Variants in ANK3 observed in about 807,000 individuals in gnomAD.
ANK3 encodes ankyrin 3.
In ANK3, 57 loss-of-function variants were observed where a neutral mutation model predicts 370.9. That is an observed-to-expected ratio of 0.15 (90% CI 0.12 to 0.19). ANK3 has a LOEUF of 0.19. ANK3 is among the 10% of genes least tolerant of loss of function. The probability of loss-of-function intolerance (pLI) is 1.00; values close to 1 mark genes in which losing one functional copy is unlikely to be tolerated. For synonymous variants in ANK3, 1,929 were observed against 1,946.3 expected (o/e 0.99, Z 0.23); for missense variants, 4,439 against 5,302.1 (o/e 0.84, Z 5.06).
chr10:60,184,132 T>C (rs957061975), intron 17 of ANK3, among the ~76,000 whole-genome samples: 1 of 152,130 alleles, frequency 6.6e-6, no homozygotes, highest in African/African-American at 2.4e-5. Flanking sequence ...AATAAAGTGT[T>C]TAGTTCAACA....
intron 1 of ANK3, chr10:60,684,962 C>G (rs1207216665): frequency 1.3e-6 from 2 of 1,547,286 alleles, no homozygotes; most frequent in African/African-American, 2.7e-5. Flanking sequence ...TTGTTAGCAA[C>G]AGGTGAACTG....
Position 60,073,208 on chromosome 10 carries a change from C to G in ANK3, c.7673G>C (p.Arg2558Pro), listed in dbSNP as rs761833443. 1 of 1,613,982 alleles carries G rather than the reference C, an allele frequency of 6.2e-7. No individual in the cohort carries two copies. The highest frequency in any genetic ancestry group is 1.3e-5 in the African/African-American group (1 of 74,896). Residue 2558 changes from arginine (R) to proline (P), a missense_variant, in exon 37 of 44, where the codon CGC becomes CCC. Physicochemically the swap from Arg to Pro is moderately radical, Grantham distance 103 (BLOSUM62 -2). Coordinates refer to ENST00000280772, the MANE Select transcript of ANK3 (RefSeq NM_020987.5). The part of the protein sequence containing the change: ...VSSPKHAMWM[R>P]FTEDRLDRGR... ...TCTGTCTAATCTGTCCTCAGTAAAG[C>G]GCATCCACATGGCATGTTTTGGACT...
intron 42 of ANK3, among the ~76,000 whole-genome samples, chr10:60,054,442 C>A (rs1200306598): frequency 6.6e-6 from 1 of 152,010 alleles, no homozygotes; most frequent in Non-Finnish European, 1.5e-5. Context: ...ATTAAATGAG[C>A]TGGAGATTAT....
intron 1 of ANK3, among the ~76,000 whole-genome samples, chr10:60,326,362 T>C (rs2049869481): frequency 6.6e-6 from 1 of 152,212 alleles, no homozygotes. Flanking sequence ...AGCCTCCATG[T>C]GTCATTTGAC....
chr10:60,149,056 T>G (rs2132241733), intron 23 of ANK3, among the ~76,000 whole-genome samples: 1 of 152,344 alleles, frequency 6.6e-6, no homozygotes, highest in Admixed American at 6.5e-5. Flanking sequence ...TTTTGGCCTT[T>G]TCTTTCCCTT....
chr10:60,325,575 T>A (rs928912301), intron 1 of ANK3, among the ~76,000 whole-genome samples: 14 of 152,316 alleles, frequency 9.2e-5, no homozygotes, highest in African/African-American at 3.1e-4. Flanking sequence ...CAACACACTT[T>A]TACTGATTCT....
intron 2 of ANK3, among the ~76,000 whole-genome samples, chr10:60,395,564 C>CTTTCTTTTCTTTCTTTCTTTCT (rs1555367098): frequency 7.9e-5 from 8 of 101,702 alleles, no homozygotes; most frequent in African/African-American, 2.8e-4. Flanking sequence ...TTCTTTCTTT[C>CTTTCTTTTCTTTCTTTCTTTCT]TTTCTTTCTT....
intron 43 of ANK3, among the ~76,000 whole-genome samples, chr10:60,035,991 A>C (rs2074872060): frequency 1.3e-5 from 2 of 152,224 alleles, no homozygotes; most frequent in Admixed American, 1.3e-4. Context: ...GAAGCAATTC[A>C]GCCCATAGCT....
Position 60,468,983 on chromosome 10 carries a change from A to G in ANK3, c.96+146203T>C, listed in dbSNP as rs1043760345. 8.7e-5 allele frequency among the ~76,000 whole-genome samples: 8 copies of G among 92,454 alleles called. 1 individual carries two copies. The East Asian group carries it at 2.6e-3, about 31-fold the overall frequency. 60.7% of individuals were successfully genotyped at this position (92,454 alleles called of 152,430 possible). A position where few individuals can be genotyped will look rare whatever the true frequency, so the allele number is the denominator to read the frequency against. Reference sequence around the variant, plus strand: ...GTATATATAGGACCACTATATATATACCACTTTTAGTGTGTATATATATAT... The same window carrying G: ...GTATATATAGGACCACTATATATATGCCACTTTTAGTGTGTATATATATAT... On this transcript the variant is annotated intron_variant, in intron 2 of 43. Transcript: ENST00000373827.
intron 8 of ANK3, among the ~76,000 whole-genome samples, chr10:60,229,759 G>A (rs2097212783): frequency 6.6e-6 from 1 of 152,184 alleles, no homozygotes. Context: ...TTTGACAAAT[G>A]TAATATTAAG....
chr10:60,413,617 G>A (rs1486229877), intron 2 of ANK3, among the ~76,000 whole-genome samples: 1 of 152,088 alleles, frequency 6.6e-6, no homozygotes, highest in Non-Finnish European at 1.5e-5. Context: ...ACAGAAGTCT[G>A]GGGAAAAATC....
chr10:60,069,865 C>G lies in ANK3; in HGVS notation c.11016G>C (p.Glu3672Asp). 6.2e-7 allele frequency: 1 copy of G among 1,614,068 alleles called. No individual in the cohort carries two copies. The highest frequency in any genetic ancestry group is 8.5e-7 in the Non-Finnish European group (1 of 1,179,996). The change falls in exon 37 of 44, where the codon GAG becomes GAC. Residue 3672 changes from glutamate to aspartate, a missense_variant. By Grantham distance (45) the Glu-to-Asp change is conservative (BLOSUM62 2). Transcript: ENST00000280772. ...CCACTGTAGGTGTCTCTACATTTCT[C>G]TCTAGATTGGTTTCTACAGTGGTGT... The part of the protein sequence containing the change: ...SGDTTVETNL[E>D]RNVETPTVEP...
At chr10:60,202,343 G>A (rs970654455) in intron 12 of ANK3, among the ~76,000 whole-genome samples, 2 of 151,706 alleles carry the variant, frequency 1.3e-5, no homozygotes, top group African/African-American at 4.8e-5. Context: ...GGCTGGTCTC[G>A]AACTCCCAAC....
chr10:60,349,281 T>C (rs140750564), intron 1 of ANK3, among the ~76,000 whole-genome samples: 1 of 152,212 alleles, frequency 6.6e-6, no homozygotes, highest in African/African-American at 2.4e-5. Context: ...TTCTGCAAGA[T>C]GTCTACGTAG....
At chr10:60,469,741 G>T (rs540205586) in intron 2 of ANK3, among the ~76,000 whole-genome samples, 2 of 143,654 alleles carry the variant, frequency 1.4e-5, no homozygotes, top group Non-Finnish European at 3.0e-5. Flanking sequence ...AACATGTGCT[G>T]AATATAATAT....
chr10:60,403,497 G>T (rs895872454), intron 2 of ANK3, among the ~76,000 whole-genome samples: 3 of 152,138 alleles, frequency 2.0e-5, no homozygotes, highest in African/African-American at 7.2e-5. Flanking sequence ...GCTTATCCCC[G>T]AATACAAGCT....
In ANK3 at chr10:60,070,841, G is replaced by C. The variant is rs766551810; in HGVS notation, c.10040C>G (p.Pro3347Arg). 6.2e-7 allele frequency: 1 copy of C among 1,613,930 alleles called. No homozygotes were observed. The highest frequency in any genetic ancestry group is 8.5e-7 in the Non-Finnish European group (1 of 1,180,004). The change falls in exon 37 of 44, where the codon CCC (proline) becomes CGC (arginine). Residue 3347 changes from proline to arginine, a missense_variant. Around this residue, in one of 13 missense-constraint regions of ANK3, gnomAD observed 1,601 missense variants for 1,731.7 expected, o/e 0.92. Transcript: ENST00000280772. The surrounding 1 kb of genome is among the most constrained non-coding windows in gnomAD (Gnocchi z 5.7). ...GGAAGCCTTTTCAGCAGAAGCTTTG[G>C]GTTTTTCTTTTTGTTCATCGTCCAC... is the stretch of plus-strand genomic sequence containing the variant. ...KEVDDEQKEK[P>R]KASAEKASNQ... is the part of the protein sequence containing the mutation.
At chr10:60,056,435 T>C (rs2079186546) in intron 41 of ANK3, among the ~76,000 whole-genome samples, 1 of 151,930 alleles carries the variant, frequency 6.6e-6, no homozygotes, top group African/African-American at 2.4e-5. Context: ...TGCCACTGTA[T>C]TTCAGCCTGG....
Position 60,220,431 on chromosome 10 carries a change from C to A in ANK3, c.898-6921G>T, listed in dbSNP as rs540354095. Among the ~76,000 whole-genome samples, 11 of 152,156 alleles carry A rather than the reference C, an allele frequency of 7.2e-5. 1 individual carries two copies. The highest frequency in any genetic ancestry group is 2.7e-4 in the African/African-American group (11 of 41,432). On this transcript the variant is annotated intron_variant, in intron 8 of 43. Transcript: ENST00000280772. Reference sequence around the variant, plus strand: ...CAGGCATGCCTCATTCTGCCCTCCTCCTTTTCGGAATTACTGATAGAACAG... The same window carrying A: ...CAGGCATGCCTCATTCTGCCCTCCTACTTTTCGGAATTACTGATAGAACAG...
Sources: allele counts gnomAD v4.1 joint callset (sites outside exome capture counted in the v4.1 genomes callset), GRCh38; gene constraint gnomAD v4.1.1; regional missense constraint gnomAD v4.1.1; non-coding constraint Gnocchi (gnomAD v3.1); transcripts MANE v1.5; gene names NCBI Gene and HGNC (gene_info 2026-07-23, HGNC 2026-07-21).